LRMDA: variants seen among roughly 807,000 people sequenced by gnomAD.
LRMDA encodes the protein leucine rich melanocyte differentiation associated, also known as leucine-rich melanocyte differentiation-associated protein.
In LRMDA, 18 loss-of-function variants were observed where a neutral mutation model predicts 29.8. The observed-to-expected ratio is 0.60, with a 90% CI of 0.42 to 0.90. LRMDA has a LOEUF of 0.90. Among genes scored for constraint, LRMDA ranks in the 40% least tolerant of loss-of-function variants. The pLI, the probability that LRMDA is intolerant of heterozygous loss-of-function variation, is 0.00. For missense variants in LRMDA, 273 were observed against 273.9 expected, an observed-to-expected ratio of 1.00 and a Z score of 0.02; for synonymous variants, 125 against 109.4, an observed-to-expected ratio of 1.14 and a Z score of -0.89.
intron 6 of LRMDA, among the ~76,000 whole-genome samples, chr10:76,553,893 C>T (rs544108224): frequency 5.9e-5 from 9 of 152,234 alleles, no homozygotes; most frequent in East Asian, 3.9e-4. Context: ...GCCAGGCCGT[C>T]CCCACGCCTT....
intron 2 of LRMDA, among the ~76,000 whole-genome samples, chr10:75,993,303 G>T (rs566560615): frequency 6.6e-6 from 1 of 152,070 alleles, no homozygotes; most frequent in East Asian, 1.9e-4. Context: ...TGCTGATGAT[G>T]ATGGAGGAGG....
At chr10:76,122,610 G>A (rs866268412) in intron 5 of LRMDA, among the ~76,000 whole-genome samples, 2 of 152,106 alleles carry the variant, frequency 1.3e-5, no homozygotes, top group Admixed American at 6.5e-5. Flanking sequence ...CTATACAAAT[G>A]TTAGCCACTA....
At chr10:75,649,273 TG>T (rs1329966995) in intron 2 of LRMDA, among the ~76,000 whole-genome samples, 2 of 152,246 alleles carry the variant, frequency 1.3e-5, no homozygotes, top group Admixed American at 1.3e-4. Flanking sequence ...TATTGTGGCA[TG>T]TGTCAGAATT....
Position 75,431,755 on chromosome 10 carries a change from GTAA to G in LRMDA, c.30+2_30+4del. ...CGGGCTCGTGGTGCGTGGAACTCAA[GTAA>G]GTCCCGGCCAGCCCCGCCTCCGCCC... On this transcript the variant is annotated splice_donor_variant and splice_donor_region_variant and intron_variant, in intron 1 of 6. Coordinates refer to ENST00000611255, the MANE Select transcript of LRMDA (RefSeq NM_001305581.2). LOFTEE classifies it high-confidence loss of function. The G allele has an allele frequency of 1.3e-5, 18 of 1,373,338 alleles. No individual in the cohort carries two copies. Among genetic ancestry groups the G allele is most frequent in the Non-Finnish European group, 1.6e-5 (17 of 1,058,214 alleles). 85.1% of individuals were successfully genotyped at this position (1,373,338 alleles called of 1,614,324 possible).
chr10:75,932,074 A>G (rs1163258576), intron 2 of LRMDA, among the ~76,000 whole-genome samples: 1 of 152,204 alleles, frequency 6.6e-6, no homozygotes, highest in African/African-American at 2.4e-5. Context: ...AGCTGTTATC[A>G]TTTATATCAA....
chr10:75,862,002 C>T (rs1844938828), intron 2 of LRMDA, among the ~76,000 whole-genome samples: 2 of 152,064 alleles, frequency 1.3e-5, no homozygotes, highest in African/African-American at 4.8e-5. Flanking sequence ...TAAGTGAAGC[C>T]ATCTTGGACG....
intron 6 of LRMDA, among the ~76,000 whole-genome samples, chr10:76,397,527 TA>T (rs1841799386): frequency 6.6e-6 from 1 of 152,204 alleles, no homozygotes; most frequent in South Asian, 2.1e-4. Context: ...TGGCTGGACA[TA>T]AAAGTCTCCC....
intron 2 of LRMDA, among the ~76,000 whole-genome samples, chr10:75,874,075 C>A (rs61862118): frequency 0.015 from 2,348 of 152,246 alleles, 30 homozygotes; most frequent in South Asian, 0.025. Context: ...CACATCCCAC[C>A]CTCACCCCCA....
intron 5 of LRMDA, among the ~76,000 whole-genome samples, chr10:76,244,743 T>C (rs1852343643): frequency 6.6e-6 from 1 of 152,276 alleles, no homozygotes; most frequent in African/African-American, 2.4e-5. Context: ...TGTCTTTAGT[T>C]CATTGATTTT....
At chr10:75,917,172 C>G (rs1179036284) in intron 2 of LRMDA, among the ~76,000 whole-genome samples, 1 of 152,302 alleles carries the variant, frequency 6.6e-6, no homozygotes, top group Middle Eastern at 3.4e-3. Flanking sequence ...ATGGGCAAGT[C>G]TCTTTCAGGT....
intron 2 of LRMDA, among the ~76,000 whole-genome samples, chr10:75,973,667 G>T (rs924536292): frequency 2.0e-5 from 3 of 152,096 alleles, no homozygotes; most frequent in Admixed American, 1.3e-4. Flanking sequence ...TGATCCACCC[G>T]CCTTGGCCTC....
intron 6 of LRMDA, among the ~76,000 whole-genome samples, chr10:76,473,370 G>A (rs1332890087): frequency 1.3e-5 from 2 of 151,390 alleles, no homozygotes; most frequent in Non-Finnish European, 3.0e-5. Flanking sequence ...TCCCCAACGC[G>A]ATAAAGGACA....
intron 6 of LRMDA, among the ~76,000 whole-genome samples, chr10:76,479,405 AG>A (rs1159611570): frequency 6.6e-6 from 1 of 151,918 alleles, no homozygotes; most frequent in East Asian, 1.9e-4. Context: ...CATGCTCAGA[AG>A]GGCCCAGGCT....
intron 2 of LRMDA, among the ~76,000 whole-genome samples, chr10:75,705,805 G>T (rs1842359170): frequency 6.6e-6 from 1 of 152,186 alleles, no homozygotes; most frequent in South Asian, 2.1e-4. Context: ...GGGAGCCTGG[G>T]AAACCCTGGT....
chr10:75,460,402 G>A (rs929486788), intron 2 of LRMDA, among the ~76,000 whole-genome samples: 3 of 152,130 alleles, frequency 2.0e-5, no homozygotes, highest in South Asian at 4.1e-4. Flanking sequence ...AAAGCCCCTT[G>A]TGGTACCCTA....
intron 5 of LRMDA, among the ~76,000 whole-genome samples, chr10:76,259,190 T>C (rs1371368815): frequency 6.6e-6 from 1 of 152,198 alleles, no homozygotes; most frequent in Non-Finnish European, 1.5e-5. Context: ...CATTGGTGTT[T>C]TGATTTACGT....
chr10:76,462,092 CAA>C (rs773170099), intron 6 of LRMDA, among the ~76,000 whole-genome samples: 1 of 145,644 alleles, frequency 6.9e-6, no homozygotes, highest in Non-Finnish European at 1.5e-5. Flanking sequence ...CACACACACA[CAA>C]AAACAACAAC....
intron 5 of LRMDA, among the ~76,000 whole-genome samples, chr10:76,279,007 G>A (rs559524513): frequency 2.0e-5 from 3 of 152,080 alleles, no homozygotes; most frequent in African/African-American, 7.2e-5. Flanking sequence ...CATTTATTTT[G>A]TTTCCTTGTC....
intron 5 of LRMDA, among the ~76,000 whole-genome samples, chr10:76,238,668 A>G (rs1852208245): frequency 6.6e-6 from 1 of 152,184 alleles, no homozygotes; most frequent in Non-Finnish European, 1.5e-5. Context: ...CACAAAGGGA[A>G]CACACAGATA....
Sources: gnomAD v4.1 joint callset for allele counts (sites outside exome capture counted in the v4.1 genomes callset) on GRCh38, gnomAD v4.1.1 for gene constraint, MANE v1.5 for transcripts, NCBI Gene and HGNC (gene_info 2026-07-23, HGNC 2026-07-21) for gene names.